The following AGPS variants were observed in gnomAD, a reference collection of about 807,000 sequenced individuals.
The protein encoded by AGPS is alkyldihydroxyacetonephosphate synthase, peroxisomal.
Under a neutral mutation model 90.7 loss-of-function variants are expected in AGPS, and 26 were observed. That is an observed-to-expected ratio of 0.29 (90% CI 0.21 to 0.40). The LOEUF is 0.40. Ranked by LOEUF, AGPS falls within the 10% of genes least tolerant of loss-of-function variation. AGPS has a pLI of 1.00. For synonymous variants in AGPS, 294 were observed against 285.3 expected (o/e 1.03, Z -0.31); for missense variants, 540 against 816.1 (o/e 0.66, Z 4.12).
At chr2:177,485,448 T>C (rs1325298951) in intron 11 of AGPS, among the ~76,000 whole-genome samples, 1 of 152,188 alleles carries the variant, frequency 6.6e-6, no homozygotes, top group African/African-American at 2.4e-5. Context: ...ACAGTTTTTA[T>C]TACAATTCGA....
intron 5 of AGPS, among the ~76,000 whole-genome samples, chr2:177,438,603 C>G (rs1348572707): frequency 6.6e-6 from 1 of 152,056 alleles, no homozygotes; most frequent in Non-Finnish European, 1.5e-5. Flanking sequence ...CAGTGTATAT[C>G]CAGGTTTTTG....
intron 19 of AGPS, among the ~76,000 whole-genome samples, chr2:177,534,946 T>C (rs1048495547): frequency 3.9e-5 from 6 of 152,044 alleles, no homozygotes; most frequent in Non-Finnish European, 8.8e-5. Flanking sequence ...TTATGTCTTA[T>C]AAAATACATC....
At chr2:177,509,395 G>A (rs1211509824) in intron 16 of AGPS, among the ~76,000 whole-genome samples, 1 of 152,128 alleles carries the variant, frequency 6.6e-6, no homozygotes, top group East Asian at 1.9e-4. Flanking sequence ...GGCTGGGCGC[G>A]GTGGCTCACG....
At chr2:177,498,056 G>T (rs1041905339) in intron 13 of AGPS, among the ~76,000 whole-genome samples, 3 of 151,720 alleles carry the variant, frequency 2.0e-5, no homozygotes, top group African/African-American at 7.2e-5. Flanking sequence ...TATCCATAAA[G>T]TGAAATAAGA....
At chr2:177,428,231 A>C (rs1559041764) in intron 2 of AGPS, among the ~76,000 whole-genome samples, 1 of 152,150 alleles carries the variant, frequency 6.6e-6, no homozygotes, top group Non-Finnish European at 1.5e-5. Context: ...TTTGCATTTT[A>C]CATGGGTCTC....
chr2:177,420,368 G>A lies in AGPS; in HGVS notation c.350+10G>A. On this transcript the variant is annotated intron_variant, in intron 2 of 19. Coordinates refer to ENST00000264167, the MANE Select transcript of AGPS (RefSeq NM_003659.4). ...AATTGACTGGGAAAAGGTAACCCTGGTTTATTTCTTCTTTTGTTCCTCCTT... is the reference window on the plus strand; with the variant it reads ...AATTGACTGGGAAAAGGTAACCCTGATTTATTTCTTCTTTTGTTCCTCCTT... The A allele has an allele frequency of 6.3e-7, 1 of 1,578,158 alleles. No homozygotes were observed. Among genetic ancestry groups the A allele is most frequent in the Middle Eastern group, 1.7e-4 (1 of 5,982 alleles).
At chr2:177,471,255 G>A (rs1433179760) in intron 10 of AGPS, among the ~76,000 whole-genome samples, 3 of 152,022 alleles carry the variant, frequency 2.0e-5, no homozygotes, top group African/African-American at 7.2e-5. Context: ...AACTTTTCTT[G>A]AGCTTTAAAA....
intron 9 of AGPS, among the ~76,000 whole-genome samples, chr2:177,466,644 A>G (rs1221246081): frequency 6.6e-6 from 1 of 152,216 alleles, no homozygotes. Flanking sequence ...GAGGGGGCTG[A>G]GGCAGCAGGG....
intron 17 of AGPS, among the ~76,000 whole-genome samples, chr2:177,520,408 A>G (rs1689146409): frequency 6.6e-6 from 1 of 152,200 alleles, no homozygotes; most frequent in African/African-American, 2.4e-5. Context: ...GTCCATATGT[A>G]TTCTATGCAT....
intron 11 of AGPS, among the ~76,000 whole-genome samples, chr2:177,482,950 A>G (rs1449160075): frequency 6.6e-6 from 1 of 152,144 alleles, no homozygotes; most frequent in Non-Finnish European, 1.5e-5. Context: ...GGAGGAAGTC[A>G]AGGGAATGTA....
At chr2:177,410,158 C>T (rs771689553) in intron 1 of AGPS, among the ~76,000 whole-genome samples, 10 of 152,148 alleles carry the variant, frequency 6.6e-5, no homozygotes, top group South Asian at 2.1e-4. Flanking sequence ...CTTGGTTTCC[C>T]GGAGGGGATT....
rs892286292 is a variant in AGPS at position 177,442,632 on chromosome 2, A to C, written c.789+146A>C. The stretch of plus-strand genomic sequence containing the variant: ...GAGGCTGAGGTGGGTGGATCACTTG[A>C]GGTCGGGAGTTCGAGACCAGCCAGG... On this transcript the variant is annotated intron_variant, in intron 7 of 19. Transcript: ENST00000264167. 2.3e-4 allele frequency: 148 copies of C among 655,896 alleles called. 1 individual carries two copies. Among genetic ancestry groups the C allele is most frequent in the Non-Finnish European group, 3.5e-4 (130 of 376,260 alleles). 40.6% of individuals were successfully genotyped at this position (655,896 alleles called of 1,614,324 possible).
chr2:177,459,064 A>T (rs1165886907), intron 8 of AGPS, among the ~76,000 whole-genome samples: 1 of 152,194 alleles, frequency 6.6e-6, no homozygotes, highest in Non-Finnish European at 1.5e-5. Flanking sequence ...GATACAAGCC[A>T]TGGGGGAAAG....
At chr2:177,473,998 T>C (rs1381098910) in intron 10 of AGPS, among the ~76,000 whole-genome samples, 2 of 152,236 alleles carry the variant, frequency 1.3e-5, no homozygotes, top group African/African-American at 4.8e-5. Flanking sequence ...GAAATTTAAG[T>C]CATGATGCCT....
At chr2:177,437,690 A>AT (rs1359513866) in intron 5 of AGPS, among the ~76,000 whole-genome samples, 2 of 152,116 alleles carry the variant, frequency 1.3e-5, no homozygotes, top group African/African-American at 4.8e-5. Context: ...CCATTATTGC[A>AT]TTTTTTAAAG....
chr2:177,460,546 C>T (rs1421673338), intron 8 of AGPS, among the ~76,000 whole-genome samples: 1 of 152,166 alleles, frequency 6.6e-6, no homozygotes, highest in Non-Finnish European at 1.5e-5. Context: ...TGAAACCTCT[C>T]TTTTCAGTAC....
intron 10 of AGPS, among the ~76,000 whole-genome samples, chr2:177,470,613 A>G (rs995835272): frequency 6.6e-6 from 1 of 151,630 alleles, no homozygotes; most frequent in Non-Finnish European, 1.5e-5. Flanking sequence ...CTGAAGCACA[A>G]GAATCGCTTG....
chr2:177,481,333 A>G (rs1450453348), intron 10 of AGPS, among the ~76,000 whole-genome samples: 1 of 151,930 alleles, frequency 6.6e-6, no homozygotes, highest in African/African-American at 2.4e-5. Flanking sequence ...AGTCCCTCTT[A>G]TAATAAAGAA....
At chr2:177,490,532 G>A (rs1238129081) in intron 11 of AGPS, among the ~76,000 whole-genome samples, 1 of 152,104 alleles carries the variant, frequency 6.6e-6, no homozygotes, top group Admixed American at 6.5e-5. Flanking sequence ...GTGTTTGTCT[G>A]TTACCATCTA....
Sources: gnomAD v4.1 joint callset for allele counts (sites outside exome capture counted in the v4.1 genomes callset) on GRCh38, gnomAD v4.1.1 for gene constraint, MANE v1.5 for transcripts, NCBI Gene and HGNC (gene_info 2026-07-23, HGNC 2026-07-21) for gene names.